BMPER: variants seen among roughly 807,000 people sequenced by gnomAD.
The protein encoded by BMPER is BMP-binding endothelial regulator protein.
A neutral mutation model predicts 87.3 loss-of-function variants in BMPER; 45 were observed. The ratio of observed to expected loss-of-function variants is 0.52; its 90% CI spans 0.41 to 0.66. The LOEUF is 0.66. BMPER is among the 30% of genes least tolerant of loss of function. The probability of loss-of-function intolerance (pLI) is 0.00; values close to 1 mark genes in which losing one functional copy is unlikely to be tolerated. For missense variants in BMPER, 784 were observed against 867.5 expected (o/e 0.90, Z 1.21); for synonymous variants, 326 against 316.2 (o/e 1.03, Z -0.33).
intron 11 of BMPER, among the ~76,000 whole-genome samples, chr7:34,070,907 G>C (rs981144583): frequency 6.6e-6 from 1 of 150,832 alleles, no homozygotes; most frequent in Admixed American, 6.6e-5. Context: ...AGAAATGCTG[G>C]TTGTTTGGAA....
intron 14 of BMPER, 40 bp from the exon 15 acceptor site, chr7:34,153,052 C>CT (rs979557562): frequency 6.8e-6 from 11 of 1,611,878 alleles, no homozygotes; most frequent in Non-Finnish European, 9.3e-6. Context: ...TTAATGGGGC[C>CT]TTTCTCCATG....
chr7:34,012,567 C>T (rs1786911077), intron 6 of BMPER, among the ~76,000 whole-genome samples: 1 of 151,814 alleles, frequency 6.6e-6, no homozygotes, highest in Non-Finnish European at 1.5e-5. Flanking sequence ...GAAAACCAGA[C>T]ACAATTTTTT....
rs115226171 is a variant in BMPER, at chr7:34,056,114, G to A, written c.927+811G>A. Among the ~76,000 whole-genome samples, 865 of 152,294 alleles carry A rather than the reference G, an allele frequency of 5.7e-3. 5 individuals carry two copies. Among genetic ancestry groups the A allele is most frequent in the African/African-American group, 0.019 (801 of 41,562 alleles). On this transcript the variant is annotated intron_variant, in intron 9 of 14. Transcript: ENST00000649409. Reference sequence around the variant, plus strand: ...TCACACTGAAGTAGTTGGAGGGAGAGGTCTTGGTTCTGATGGAATAGTAAG... The same window carrying A: ...TCACACTGAAGTAGTTGGAGGGAGAAGTCTTGGTTCTGATGGAATAGTAAG...
intron 13 of BMPER, among the ~76,000 whole-genome samples, chr7:34,105,272 AT>A (rs1259241784): frequency 6.6e-6 from 1 of 152,214 alleles, no homozygotes; most frequent in Non-Finnish European, 1.5e-5. Context: ...TTCTAAACAC[AT>A]TCCTTGCACA....
intron 3 of BMPER, among the ~76,000 whole-genome samples, chr7:33,963,315 C>T (rs1427775926): frequency 6.6e-6 from 1 of 152,096 alleles, no homozygotes; most frequent in Non-Finnish European, 1.5e-5. Context: ...TGCTGGTCTA[C>T]AATAAGTTGA....
intron 11 of BMPER, among the ~76,000 whole-genome samples, chr7:34,076,475 T>C (rs1585806165): frequency 6.6e-6 from 1 of 152,268 alleles, no homozygotes; most frequent in African/African-American, 2.4e-5. Context: ...CCTGTACATA[T>C]AATTTTGTCC....
In BMPER at chr7:34,125,582, G is replaced by A. The variant is rs1483022153; in HGVS notation, c.1746-17648G>A. On this transcript the variant is annotated intron_variant, in intron 13 of 14. Coordinates refer to ENST00000649409, the MANE Select transcript of BMPER (RefSeq NM_001365308.1). ...TATGAAATGCTAGTTGAATGCATGA[G>A]CGACTGAAGGAAACTCATATATACA... 9.2e-5 allele frequency among the ~76,000 whole-genome samples: 14 copies of A among 152,146 alleles called. 1 individual carries two copies. Among genetic ancestry groups the A allele is most frequent in the Admixed American group, 7.9e-4 (12 of 15,270 alleles).
chr7:34,026,348 T>C (rs1787357150), intron 6 of BMPER, among the ~76,000 whole-genome samples: 1 of 152,098 alleles, frequency 6.6e-6, no homozygotes, highest in Non-Finnish European at 1.5e-5. Context: ...GGTTTTCCAT[T>C]GGATTATTTC....
Position 34,119,016 on chromosome 7 carries a change from A to T in BMPER, c.1746-24214A>T, listed in dbSNP as rs113420663. Among the ~76,000 whole-genome samples the T allele has an allele frequency of 9.1e-3, 813 of 89,158 alleles. 8 individuals are homozygous for T. The highest frequency in any genetic ancestry group is 0.036 in the African/African-American group (761 of 21,306). 58.5% of individuals were successfully genotyped at this position (89,158 alleles called of 152,430 possible). ...CTCACTGTCTCTCTCTCTCTCTCTC[A>T]CACACACACACACACACACACGCAC... On this transcript the variant is annotated intron_variant, in intron 13 of 14. Transcript: ENST00000649409.
chr7:33,949,543 A>G (rs1446663907), intron 3 of BMPER, among the ~76,000 whole-genome samples: 2 of 151,308 alleles, frequency 1.3e-5, no homozygotes, highest in Non-Finnish European at 2.9e-5. Flanking sequence ...AACTTAAAAC[A>G]TCTTTGGAGA....
chr7:33,949,383 G>A (rs1271622018), intron 3 of BMPER, among the ~76,000 whole-genome samples: 2 of 152,134 alleles, frequency 1.3e-5, no homozygotes, highest in East Asian at 1.9e-4. Context: ...CTTTGTACCA[G>A]GTTCTTGGGA....
intron 2 of BMPER, among the ~76,000 whole-genome samples, chr7:33,921,259 GAACA>G (rs1374351107): frequency 3.3e-5 from 5 of 152,204 alleles, no homozygotes; most frequent in African/African-American, 9.6e-5. Context: ...GCTATTTTGC[GAACA>G]AACAGTGTAT....
At chr7:33,969,688 T>C (rs906810884) in intron 4 of BMPER, among the ~76,000 whole-genome samples, 3 of 152,254 alleles carry the variant, frequency 2.0e-5, no homozygotes, top group Non-Finnish European at 4.4e-5. Flanking sequence ...CGTGAGCCAC[T>C]GCGTCCGGCC....
intron 3 of BMPER, among the ~76,000 whole-genome samples, chr7:33,958,373 A>G (rs904250208): frequency 2.0e-5 from 3 of 152,180 alleles, no homozygotes; most frequent in African/African-American, 7.2e-5. Context: ...GTTGCTTCCT[A>G]ATGTTGAAAG....
At chr7:33,951,104 A>G (rs186139358) in intron 3 of BMPER, among the ~76,000 whole-genome samples, 20 of 151,036 alleles carry the variant, frequency 1.3e-4, no homozygotes, top group African/African-American at 4.4e-4. Context: ...CTGGAGTGCA[A>G]TGGCAGGATC....
In BMPER at chr7:34,154,683, C is replaced by T. The variant is rs1199188280; in HGVS notation, c.*1410C>T. 4 of 151,534 alleles carry T rather than the reference C, an allele frequency of 2.6e-5. No individual in the cohort carries two copies. The highest frequency in any genetic ancestry group is 4.4e-5 in the Non-Finnish European group (3 of 67,984). 9.4% of individuals were successfully genotyped at this position (151,534 alleles called of 1,614,324 possible). A position where few individuals can be genotyped will look rare whatever the true frequency, so the allele number is the denominator to read the frequency against. ...GACAAGCCAGCATATTGCCAATGCT[C>T]GTCAAAGACATTTATGTTTCTTTTA... On this transcript the variant is annotated 3_prime_UTR_variant, in exon 15 of 15. Transcript: ENST00000649409.
chr7:33,933,966 A>G (rs1469720966), intron 2 of BMPER, among the ~76,000 whole-genome samples: 1 of 152,252 alleles, frequency 6.6e-6, no homozygotes, highest in Non-Finnish European at 1.5e-5. Flanking sequence ...TTCTTAGCAC[A>G]GAGCCTGAAC....
At chr7:33,985,791 G>A (rs1785993086) in intron 6 of BMPER, among the ~76,000 whole-genome samples, 1 of 151,790 alleles carries the variant, frequency 6.6e-6, no homozygotes, top group Non-Finnish European at 1.5e-5. Context: ...GGTAGTTAAA[G>A]TATTATTGAA....
Position 33,906,882 on chromosome 7 carries a change from T to TGTGTTA in BMPER, c.198_199insGTGTTA (p.Pro66_Cys67insValLeu). 1 of 1,613,674 alleles carries TGTGTTA rather than the reference T, an allele frequency of 6.2e-7. No individual in the cohort carries two copies. The highest frequency in any genetic ancestry group is 1.3e-5 in the African/African-American group (1 of 75,044). ...AGATTCCATTTATCACAGACAACCC[T>TGTGTTA]TGCATAATGTGTGTCTGCTTGGTAA... On this transcript the variant is annotated inframe_insertion, in exon 2 of 15. Coordinates refer to ENST00000649409, the MANE Select transcript of BMPER (RefSeq NM_001365308.1).
Sources: allele counts gnomAD v4.1 joint callset (sites outside exome capture counted in the v4.1 genomes callset), GRCh38; gene constraint gnomAD v4.1.1; transcripts MANE v1.5; gene names NCBI Gene and HGNC (gene_info 2026-07-23, HGNC 2026-07-21).